Variants in CPSF7 observed in about 807,000 individuals in gnomAD.
CPSF7 encodes the protein cleavage and polyadenylation specific factor 7.
Under a neutral mutation model 44.3 loss-of-function variants are expected in CPSF7, and 1 was observed. That is an observed-to-expected ratio of 0.02 (90% CI 0.01 to 0.11). CPSF7 has a LOEUF of 0.11. Among genes scored for constraint, CPSF7 ranks in the 10% least tolerant of loss-of-function variants. The probability of loss-of-function intolerance (pLI) is 1.00; values close to 1 mark genes in which losing one functional copy is unlikely to be tolerated. For missense variants in CPSF7, 443 were observed against 607.2 expected (o/e 0.73, Z 2.84); for synonymous variants, 202 against 222.0 (o/e 0.91, Z 0.80).
Position 61,416,339 on chromosome 11 carries a change from G to T in CPSF7, c.704C>A (p.Pro235His). ...LMGLPPPPIPPPPPLSSSFGV... is the reference protein window; with the variant it reads ...LMGLPPPPIPHPPPLSSSFGV... ...AAAGCTTGAGGAGAGAGGTGGTGGGGGTGGAATTGGTGGTGGGGGCAGACC... is the reference window on the plus strand; with the variant it reads ...AAAGCTTGAGGAGAGAGGTGGTGGGTGTGGAATTGGTGGTGGGGGCAGACC... The change falls in exon 6 of 10, where the codon CCC (proline) becomes CAC (histidine). Residue 235 changes from proline (P) to histidine (H), a missense_variant. Coordinates refer to ENST00000439958, the MANE Select transcript of CPSF7 (RefSeq NM_001142565.3). 1 of 1,583,774 alleles carries T rather than the reference G, an allele frequency of 6.3e-7. No individual in the cohort carries two copies. The highest frequency in any genetic ancestry group is 8.6e-7 in the Non-Finnish European group (1 of 1,161,996).
chr11:61,415,449 T>C (rs540903193), intron 7 of CPSF7, among the ~76,000 whole-genome samples: 22 of 152,162 alleles, frequency 1.4e-4, no homozygotes, highest in Non-Finnish European at 2.4e-4. Flanking sequence ...ATTAAGTTGG[T>C]TTTCATGAGG....
intron 2 of CPSF7, among the ~76,000 whole-genome samples, chr11:61,425,504 T>G (rs1861265335): frequency 1.3e-5 from 2 of 152,222 alleles, no homozygotes; most frequent in Admixed American, 1.3e-4. Flanking sequence ...GACTGTCTCA[T>G]GAAACTTCCT....
intron 9 of CPSF7, chr11:61,410,479 AATG>A (rs141217270): frequency 0.035 from 5,356 of 152,736 alleles, 312 homozygotes; most frequent in African/African-American, 0.12. Context: ...GAAAGTTCAT[AATG>A]ATAATAACAA....
intron 5 of CPSF7, 76 bp from the exon 6 acceptor site, chr11:61,416,595 T>C: frequency 7.0e-7 from 1 of 1,434,668 alleles, no homozygotes; most frequent in Admixed American, 1.7e-5. Context: ...CCTTCAGAAG[T>C]TATCAGACAC....
chr11:61,410,891 T>C (rs1859790032), intron 9 of CPSF7, 47 bp downstream of exon 9: 3 of 1,520,112 alleles, frequency 2.0e-6, no homozygotes, highest in Middle Eastern at 1.8e-4. Flanking sequence ...ATAAATCTTT[T>C]TTTAATAAAA....
At position 61,416,522 on chromosome 11, in the gene CPSF7, A is replaced by G; in HGVS notation, c.524-3T>C. 1 of 1,613,970 alleles carries G rather than the reference A, an allele frequency of 6.2e-7. No individual in the cohort carries two copies. Among genetic ancestry groups the G allele is most frequent in the Non-Finnish European group, 8.5e-7 (1 of 1,179,912 alleles). On this transcript the variant is annotated splice_region_variant and splice_polypyrimidine_tract_variant and intron_variant, in intron 5 of 9. Coordinates refer to ENST00000439958, the MANE Select transcript of CPSF7 (RefSeq NM_001142565.3). The stretch of plus-strand genomic sequence containing the variant: ...GGAATGGGCCCGTGGAGGTATTCCT[A>G]TGAAGCAAAACAGAACTGATGTTAC...
chr11:61,422,488 A>G (rs574969035), intron 2 of CPSF7, among the ~76,000 whole-genome samples: 9 of 151,832 alleles, frequency 5.9e-5, no homozygotes, highest in Non-Finnish European at 7.4e-5. Flanking sequence ...CTAATTTTCA[A>G]ATTTTTTTTG....
intron 9 of CPSF7, among the ~76,000 whole-genome samples, chr11:61,408,151 G>A (rs955764486): frequency 4.6e-5 from 7 of 151,464 alleles, no homozygotes; most frequent in Non-Finnish European, 5.9e-5. Flanking sequence ...CTGCCTCCCG[G>A]GTTCATGCCA....
At chr11:61,427,026 C>CAAAAAAA (rs71471825) in intron 2 of CPSF7, 18 of 13,674 alleles carry the variant, frequency 1.3e-3, no homozygotes, top group African/African-American at 1.9e-3. Context: ...GACTCTGTCT[C>CAAAAAAA]AAAAAAAAAA....
chr11:61,412,845 CCT>C (rs1859978307), intron 7 of CPSF7, among the ~76,000 whole-genome samples: 1 of 152,158 alleles, frequency 6.6e-6, no homozygotes, highest in Non-Finnish European at 1.5e-5. Context: ...AAAACCATAT[CCT>C]GTTTTTGTAA....
intron 9 of CPSF7, among the ~76,000 whole-genome samples, chr11:61,409,933 A>G (rs928158543): frequency 2.0e-5 from 3 of 152,002 alleles, no homozygotes; most frequent in Admixed American, 6.6e-5. Flanking sequence ...TCATGCCACT[A>G]TACTCCAGCG....
intron 9 of CPSF7, among the ~76,000 whole-genome samples, chr11:61,404,952 G>A (rs865799224): frequency 1.2e-4 from 18 of 152,242 alleles, no homozygotes; most frequent in South Asian, 1.0e-3. Flanking sequence ...ATAAAGATTC[G>A]GTGAAAAAAC....
intron 9 of CPSF7, among the ~76,000 whole-genome samples, chr11:61,407,046 C>T (rs1490448701): frequency 6.6e-6 from 1 of 152,214 alleles, no homozygotes; most frequent in South Asian, 2.1e-4. Context: ...GTTGAAGTTA[C>T]AGGCATGAGC....
chr11:61,404,471 C>T lies in CPSF7; in HGVS notation c.*239G>A, dbSNP rs1327771062. ...CATGTTTTCTTCCTGTCTGCCACCC[C>T]TCCCAATCACACGAAGTCTTTAGGT... On this transcript the variant is annotated 3_prime_UTR_variant, in exon 10 of 10. Transcript: ENST00000439958. 1.3e-5 allele frequency: 2 copies of T among 152,652 alleles called. No homozygotes were observed. The highest frequency in any genetic ancestry group is 2.9e-5 in the Non-Finnish European group (2 of 68,092). 9.5% of individuals were successfully genotyped at this position (152,652 alleles called of 1,614,324 possible).
chr11:61,410,670 G>A (rs1859771678), intron 9 of CPSF7: 2 of 289,190 alleles, frequency 6.9e-6, no homozygotes, highest in African/African-American at 4.4e-5. Context: ...GAGAAACTGG[G>A]ATTCAAATTG....
intron 5 of CPSF7, among the ~76,000 whole-genome samples, chr11:61,419,371 T>C (rs1164713388): frequency 2.0e-5 from 3 of 152,152 alleles, no homozygotes; most frequent in Admixed American, 6.5e-5. Context: ...ACTAAAACAT[T>C]TGGTAATCAA....
intron 2 of CPSF7, among the ~76,000 whole-genome samples, chr11:61,424,733 G>A (rs1324877902): frequency 2.0e-5 from 3 of 152,298 alleles, no homozygotes; most frequent in Non-Finnish European, 4.4e-5. Flanking sequence ...GATTACAGGC[G>A]TAAGCCACTG....
chr11:61,429,081 T>C, intron 2 of CPSF7, 101 bp downstream of exon 2: 1 of 691,888 alleles, frequency 1.4e-6, no homozygotes, highest in Non-Finnish European at 2.6e-6. Context: ...TAGACGCGTG[T>C]TCAAGCCTAG....
At chr11:61,407,265 C>T (rs1334658729) in intron 9 of CPSF7, among the ~76,000 whole-genome samples, 5 of 152,186 alleles carry the variant, frequency 3.3e-5, no homozygotes, top group Middle Eastern at 3.2e-3. Context: ...GCCCCAAAGA[C>T]GACAGTGCAT....
Sources: gnomAD v4.1 joint callset for allele counts (sites outside exome capture counted in the v4.1 genomes callset) on GRCh38, gnomAD v4.1.1 for gene constraint, MANE v1.5 for transcripts, NCBI Gene and HGNC (gene_info 2026-07-23, HGNC 2026-07-21) for gene names.